Variants in RBPJ observed in about 807,000 individuals in gnomAD.
The protein encoded by RBPJ is recombining binding protein suppressor of hairless.
Under a neutral mutation model 67.8 loss-of-function variants are expected in RBPJ, and 9 were observed. The ratio of observed to expected loss-of-function variants is 0.13; its 90% CI spans 0.08 to 0.23. RBPJ has a LOEUF of 0.23. RBPJ is among the 10% of genes least tolerant of loss of function. The probability of loss-of-function intolerance (pLI) is 1.00; values close to 1 mark genes in which losing one functional copy is unlikely to be tolerated. For synonymous variants in RBPJ, 198 were observed against 203.3 expected (o/e 0.97, Z 0.22); for missense variants, 305 against 595.6 (o/e 0.51, Z 5.08).
chr4:26,420,083 A>G (rs1252027137), intron 4 of RBPJ, among the ~76,000 whole-genome samples: 2 of 152,216 alleles, frequency 1.3e-5, no homozygotes, highest in Non-Finnish European at 2.9e-5. Context: ...TCAGCTATAT[A>G]AAGAAAAATA....
chr4:26,118,442 A>G, the RBPJ span, among the ~76,000 whole-genome samples: 1 of 152,170 alleles, frequency 6.6e-6, no homozygotes, highest in African/African-American at 2.4e-5. Context: ...AACAGGTGGG[A>G]TCATGTGGTA....
At chr4:26,228,888 G>A (rs868033434) in intron 1 of RBPJ, among the ~76,000 whole-genome samples, 2 of 152,156 alleles carry the variant, frequency 1.3e-5, no homozygotes, top group East Asian at 1.9e-4. Flanking sequence ...TTTTGAGTAC[G>A]ACATCTGAAT....
chr4:26,288,988 A>T lies in RBPJ; in HGVS notation c.-166-73458A>T, dbSNP rs1007159765. 4.0e-5 allele frequency among the ~76,000 whole-genome samples: 6 copies of T among 151,180 alleles called. 1 individual carries two copies. Among genetic ancestry groups the T allele is most frequent in the African/African-American group, 1.2e-4 (5 of 41,112 alleles). On this transcript the variant is annotated intron_variant, in intron 1 of 4. Coordinates refer to the RBPJ transcript ENST00000512351. ...CAGAAAAGTTTCATTAGGAAGATTG[A>T]CTATTCCTTACTTCCTACCAATTGT...
chr4:26,261,430 A>G (rs550516172), intron 1 of RBPJ, among the ~76,000 whole-genome samples: 2 of 152,314 alleles, frequency 1.3e-5, no homozygotes, highest in South Asian at 2.1e-4. Context: ...GGCTTTAGGA[A>G]GTAGAAAAGA....
chr4:26,370,643 A>G (rs1729064001), intron 1 of RBPJ, among the ~76,000 whole-genome samples: 1 of 152,220 alleles, frequency 6.6e-6, no homozygotes, highest in Non-Finnish European at 1.5e-5. Context: ...TGCTTCATTA[A>G]AGAACATTGC....
intron 1 of RBPJ, among the ~76,000 whole-genome samples, chr4:26,353,955 A>G (rs139569861): frequency 0.014 from 2,017 of 148,690 alleles, 31 homozygotes; most frequent in South Asian, 0.019. Flanking sequence ...TTGGAGACAG[A>G]GTCTCGCTCT....
intron 1 of RBPJ, among the ~76,000 whole-genome samples, chr4:26,250,278 C>T (rs74348820): frequency 0.012 from 1,841 of 151,598 alleles, 37 homozygotes; most frequent in African/African-American, 0.043. Flanking sequence ...TTCACTTAGC[C>T]TAATGTTTTC....
intron 1 of RBPJ, among the ~76,000 whole-genome samples, chr4:26,363,486 T>G (rs1728290177): frequency 6.6e-6 from 1 of 152,234 alleles, no homozygotes; most frequent in Admixed American, 6.5e-5. Context: ...TTGTCCGGGC[T>G]GGAGTGCAGT....
At chr4:26,115,345 A>G in the RBPJ span, among the ~76,000 whole-genome samples, 2 of 152,068 alleles carry the variant, frequency 1.3e-5, no homozygotes, top group East Asian at 1.9e-4. Flanking sequence ...AGTCAGTCCT[A>G]TTCTAAATAC....
chr4:26,213,650 G>C (rs1460354337), intron 1 of RBPJ, among the ~76,000 whole-genome samples: 1 of 152,146 alleles, frequency 6.6e-6, no homozygotes, highest in Non-Finnish European at 1.5e-5. Flanking sequence ...AAATGGGTTT[G>C]GATTTGCTTC....
At chr4:26,427,824 G>A (rs1331365013) in intron 7 of RBPJ, among the ~76,000 whole-genome samples, 1 of 152,162 alleles carries the variant, frequency 6.6e-6, no homozygotes, top group Non-Finnish European at 1.5e-5. Flanking sequence ...AGATAGTTAT[G>A]TTTGTATGTT....
At chr4:26,213,549 G>A (rs1280458111) in intron 1 of RBPJ, among the ~76,000 whole-genome samples, 13 of 152,192 alleles carry the variant, frequency 8.5e-5, no homozygotes, top group Admixed American at 8.5e-4. Flanking sequence ...GGTAAGTGAG[G>A]CTGCACACAG....
chr4:26,316,765 C>A (rs1722661331), upstream of RBPJ, among the ~76,000 whole-genome samples: 2 of 130,284 alleles, frequency 1.5e-5, no homozygotes, highest in African/African-American at 5.7e-5. Flanking sequence ...TCCTGAAGTT[C>A]TAAAATGGAG....
chr4:26,207,181 C>G (rs1718199065), intron 1 of RBPJ, among the ~76,000 whole-genome samples: 1 of 152,142 alleles, frequency 6.6e-6, no homozygotes, highest in South Asian at 2.1e-4. Flanking sequence ...AAATGGTGAG[C>G]AGATGGTGCT....
At chr4:26,188,867 G>A (rs923299245) in intron 1 of RBPJ, among the ~76,000 whole-genome samples, 4 of 152,168 alleles carry the variant, frequency 2.6e-5, no homozygotes, top group Non-Finnish European at 4.4e-5. Flanking sequence ...CATTGATATA[G>A]ATCTGATTTA....
At chr4:26,208,119 C>T (rs1022476185) in intron 1 of RBPJ, among the ~76,000 whole-genome samples, 15 of 152,180 alleles carry the variant, frequency 9.9e-5, no homozygotes, top group African/African-American at 3.1e-4. Context: ...ATAATAGCAA[C>T]AGTGTTTGCT....
chr4:26,184,181 C>CAAA (rs150415692), intron 1 of RBPJ, among the ~76,000 whole-genome samples: 8 of 89,880 alleles, frequency 8.9e-5, no homozygotes, highest in African/African-American at 2.9e-4. Context: ...GACTTCATCT[C>CAAA]AAAAAAAAAA....
chr4:26,308,191 G>C (rs914106347), intron 1 of RBPJ, among the ~76,000 whole-genome samples: 2 of 152,176 alleles, frequency 1.3e-5, no homozygotes, highest in African/African-American at 4.8e-5. Flanking sequence ...CGGGAGAATG[G>C]CGTGAGCCCG....
At position 26,282,134 on chromosome 4, in the gene RBPJ, CTCT is replaced by C. The variant is rs1270737856; in HGVS notation, c.-166-80310_-166-80308del. On this transcript the variant is annotated intron_variant, in intron 1 of 4. Coordinates refer to the RBPJ transcript ENST00000512351. ...CCTTCATTCGTAATCCTCTCTCTCT[CTCT>C]TTTTTTTTTTTTTTTTTTTGCTAAT... Among the ~76,000 whole-genome samples, 46 of 126,588 alleles carry C rather than the reference CTCT, an allele frequency of 3.6e-4. 1 individual carries two copies. Among genetic ancestry groups the C allele is most frequent in the African/African-American group, 9.1e-4 (28 of 30,854 alleles). The allele number at this position is 126,588 out of a possible 152,430, so 83.0% of individuals were successfully genotyped here.
Sources: allele counts gnomAD v4.1 joint callset (sites outside exome capture counted in the v4.1 genomes callset), GRCh38; gene constraint gnomAD v4.1.1; transcripts MANE v1.5; gene names NCBI Gene and HGNC (gene_info 2026-07-23, HGNC 2026-07-21).